GPRASP1: variants seen among roughly 807,000 people sequenced by gnomAD.
GPRASP1 encodes G protein-coupled receptor associated sorting protein 1.
Under a neutral mutation model 68.4 loss-of-function variants are expected in GPRASP1, and 28 were observed. The observed-to-expected ratio is 0.41, with a 90% CI of 0.30 to 0.56. The LOEUF (loss-of-function observed/expected upper bound fraction) is 0.56, where lower values mean the gene tolerates loss of function less well. GPRASP1 is among the 20% of genes least tolerant of loss of function. GPRASP1 has a pLI of 0.29. For missense variants in GPRASP1, 913 were observed against 1,031.5 expected, an observed-to-expected ratio of 0.89 and a Z score of 1.57; for synonymous variants, 304 against 358.2, an observed-to-expected ratio of 0.85 and a Z score of 1.71.
At position 102,658,218 on chromosome X, in the gene GPRASP1, T is replaced by A; in HGVS notation, c.*117T>A. 2.3e-6 allele frequency: 1 copy of A among 431,020 alleles called. No homozygotes were observed. The highest frequency in any genetic ancestry group is 4.1e-6 in the Non-Finnish European group (1 of 245,841). 35.5% of individuals were successfully genotyped at this position (431,020 alleles called of 1,213,427 possible). The stretch of plus-strand genomic sequence containing the variant: ...CAACATATATCTTTAGTGCTGACAC[T>A]AACTTTGTCCAACTCTGTCTGTAAG... On this transcript the variant is annotated 3_prime_UTR_variant, in exon 6 of 6. Transcript: ENST00000537097.
rs200152194 is a variant in GPRASP1 at position 102,655,663 on chromosome X, T to C, written c.1750T>C (p.Phe584Leu). The change falls in exon 6 of 6, where the codon TTT becomes CTT. Residue 584 changes from phenylalanine (F) to leucine (L), a missense_variant. Physicochemically the swap from Phe to Leu is conservative, Grantham distance 22. Transcript: ENST00000537097. ...AEEETIFGSW[F>L]WAENQTYMDC... The stretch of plus-strand genomic sequence containing the variant: ...AGAAGAGACAATATTCGGGTCCTGG[T>C]TTTGGGCTGAAAACCAGACCTATAT... 1.7e-4 allele frequency: 207 copies of C among 1,209,151 alleles called. No homozygotes were observed. The highest frequency in any genetic ancestry group is 1.5e-4 in the Admixed American group (7 of 45,696).
chrX:102,653,076 G>GA (rs1205775449), intron 4 of GPRASP1, 145 bp from the exon 5 acceptor site: 4 of 112,009 alleles, frequency 3.6e-5, no homozygotes, highest in Non-Finnish European at 7.5e-5. Context: ...TTGTGACTCA[G>GA]AAAGACCTGA....
In GPRASP1 at chrX:102,656,090, C is replaced by G; in HGVS notation, c.2177C>G (p.Ala726Gly). Residue 726 changes from alanine to glycine, a missense_variant, in exon 6 of 6, where the codon GCT becomes GGT. Coordinates refer to ENST00000537097, the MANE Select transcript of GPRASP1 (RefSeq NM_001184727.2). ...PEAIIGSWLW[A>G]TEESNIDGTG... ...GCCATTATAGGGTCCTGGTTATGGG[C>G]TACAGAAGAGAGTAATATAGATGGG... is the stretch of plus-strand genomic sequence containing the variant. 7 of 1,210,730 alleles carry G rather than the reference C, an allele frequency of 5.8e-6. No individual in the cohort carries two copies. Among genetic ancestry groups the G allele is most frequent in the Non-Finnish European group, 7.8e-6 (7 of 894,737 alleles).
In GPRASP1 at chrX:102,653,831, A is replaced by C. The variant is rs1361002125; in HGVS notation, c.-83A>C. The C allele has an allele frequency of 2.2e-5, 17 of 777,972 alleles. No individual in the cohort carries two copies. Among genetic ancestry groups the C allele is most frequent in the Non-Finnish European group, 2.8e-5 (15 of 528,414 alleles). The allele number at this position is 777,972 out of a possible 1,213,427, so 64.1% of individuals were successfully genotyped here. A position where few individuals can be genotyped will look rare whatever the true frequency, so the allele number is the denominator to read the frequency against. On this transcript the variant is annotated 5_prime_UTR_variant, in exon 6 of 6. Transcript: ENST00000537097. ...CAATCACCTAAAGATCAGAGTGTGAAGAAACAAACCTGTGACAGATCTGTG... is the reference window on the plus strand; with the variant it reads ...CAATCACCTAAAGATCAGAGTGTGACGAAACAAACCTGTGACAGATCTGTG...
chrX:102,654,087 TATGCCTGGAGC>T lies in GPRASP1; in HGVS notation c.176_186del (p.Met59LysfsTer5), dbSNP rs768902528. On this transcript the variant is annotated frameshift_variant, in exon 6 of 6. Coordinates refer to ENST00000537097, the MANE Select transcript of GPRASP1 (RefSeq NM_001184727.2). LOFTEE classifies it high-confidence loss of function. The stretch of plus-strand genomic sequence containing the variant: ...CAAGGCCCAAGAATAAGTCCAAGGT[TATGCCTGGAGC>T]AAGCACCAAAGTTGAGACAAGTGCA... 8.2e-7 allele frequency: 1 copy of T among 1,212,215 alleles called. No homozygotes were observed. The highest frequency in any genetic ancestry group is 1.1e-6 in the Non-Finnish European group (1 of 895,574).
rs2081407642 is a variant in GPRASP1, at chrX:102,656,065, G to A, written c.2152G>A (p.Ala718Thr). 1 of 1,208,354 alleles carries A rather than the reference G, an allele frequency of 8.3e-7. No individual in the cohort carries two copies. The highest frequency in any genetic ancestry group is 1.8e-5 in the African/African-American group (1 of 57,053). The part of the protein sequence containing the change: ...FWSRKYTKPE[A>T]IIGSWLWATE... ...GTCCAGAAAATACACAAAGCCAGAG[G>A]CCATTATAGGGTCCTGGTTATGGGC... Residue 718 changes from alanine to threonine, a missense_variant, in exon 6 of 6, where the codon GCC becomes ACC. Physicochemically the swap from Ala to Thr is moderately conservative, Grantham distance 58. Transcript: ENST00000537097.
At position 102,654,889 on chromosome X, in the gene GPRASP1, G is replaced by A; in HGVS notation, c.976G>A (p.Glu326Lys). ...KFRSKMRAGK[E>K]ANNRARHRAK... ...CAGGTCCAAAATGAGAGCTGGGAAG[G>A]AGGCCAATAACAGGGCCAGGCACAG... The change falls in exon 6 of 6, where the codon GAG (glutamate) becomes AAG (lysine). Residue 326 changes from glutamate (E) to lysine (K), a missense_variant. By Grantham distance (56) the Glu-to-Lys change is moderately conservative (BLOSUM62 1). Coordinates refer to ENST00000537097, the MANE Select transcript of GPRASP1 (RefSeq NM_001184727.2). The A allele has an allele frequency of 8.3e-7, 1 of 1,211,840 alleles. No homozygotes were observed. The highest frequency in any genetic ancestry group is 1.1e-6 in the Non-Finnish European group (1 of 895,207).
In GPRASP1 at chrX:102,656,729, C is replaced by A; in HGVS notation, c.2816C>A (p.Ser939Tyr). ...PEDDEEMIVESWFWSRDKAIK... is the reference protein window; with the variant it reads ...PEDDEEMIVEYWFWSRDKAIK... Reference sequence around the variant, plus strand: ...GATGATGAAGAGATGATTGTTGAGTCCTGGTTCTGGTCTAGAGACAAAGCC... The same window carrying A: ...GATGATGAAGAGATGATTGTTGAGTACTGGTTCTGGTCTAGAGACAAAGCC... Residue 939 changes from serine (S) to tyrosine (Y), a missense_variant, in exon 6 of 6, where the codon TCC becomes TAC. By Grantham distance (144) the Ser-to-Tyr change is moderately radical (BLOSUM62 -2). Coordinates refer to ENST00000537097, the MANE Select transcript of GPRASP1 (RefSeq NM_001184727.2). 8.3e-7 allele frequency: 1 copy of A among 1,211,149 alleles called. No individual in the cohort carries two copies. Among genetic ancestry groups the A allele is most frequent in the Non-Finnish European group, 1.1e-6 (1 of 895,146 alleles).
In GPRASP1 at chrX:102,655,215, A is replaced by T. The variant is rs2081397141; in HGVS notation, c.1302A>T (p.Ile434=). Residue 434 remains isoleucine (I), a synonymous_variant, in exon 6 of 6, where the codon ATA becomes ATT. Coordinates refer to ENST00000537097, the MANE Select transcript of GPRASP1 (RefSeq NM_001184727.2). The stretch of plus-strand genomic sequence containing the variant: ...GTCTACAAGTGGAGGATGAGTCCAT[A>T]ATTGGGAGTTGGTTCTGGACTGAAG... ...ESSLQVEDES[I]IGSWFWTEEE... 3 of 1,211,142 alleles carry T rather than the reference A, an allele frequency of 2.5e-6. No individual in the cohort carries two copies. The highest frequency in any genetic ancestry group is 3.4e-6 in the Non-Finnish European group (3 of 895,069).
chrX:102,654,443 G>C lies in GPRASP1; in HGVS notation c.530G>C (p.Cys177Ser). ...GAGACCAATATGGGGTCCTGGTGCT[G>C]TCCTAGGCCTACATCCAAACAAGAA... ...KEETNMGSWCCPRPTSKQEAS... is the reference protein window; with the variant it reads ...KEETNMGSWCSPRPTSKQEAS... The change falls in exon 6 of 6, where the codon TGT (cysteine) becomes TCT (serine). Residue 177 changes from cysteine (C) to serine (S), a missense_variant. Transcript: ENST00000537097. 8.3e-7 allele frequency: 1 copy of C among 1,211,781 alleles called. No individual in the cohort carries two copies. The highest frequency in any genetic ancestry group is 1.1e-6 in the Non-Finnish European group (1 of 895,430).
chrX:102,655,053 G>A lies in GPRASP1; in HGVS notation c.1140G>A (p.Met380Ile), dbSNP rs774624883. ...MIKKEARARA[M>I]TKEEAKTKAR... ...AGAAAGAGGCCAGGGCCAGAGCAAT[G>A]ACAAAGGAAGAGGCCAAAACCAAGG... is the stretch of plus-strand genomic sequence containing the variant. The change falls in exon 6 of 6, where the codon ATG becomes ATA. Residue 380 changes from methionine (M) to isoleucine (I), a missense_variant. Coordinates refer to ENST00000537097, the MANE Select transcript of GPRASP1 (RefSeq NM_001184727.2). The A allele has an allele frequency of 1.4e-5, 17 of 1,210,444 alleles. No homozygotes were observed. Among genetic ancestry groups the A allele is most frequent in the Non-Finnish European group, 1.9e-5 (17 of 895,210 alleles).
chrX:102,657,035 G>A lies in GPRASP1; in HGVS notation c.3122G>A (p.Arg1041Lys). ...SVEQEPDPSRRPQSWEEVTVQ... is the reference protein window; with the variant it reads ...SVEQEPDPSRKPQSWEEVTVQ... ...GAACAGGAGCCTGATCCTTCACGCAGGCCTCAGAGTTGGGAGGAGGTCACT... is the reference window on the plus strand; with the variant it reads ...GAACAGGAGCCTGATCCTTCACGCAAGCCTCAGAGTTGGGAGGAGGTCACT... Residue 1041 changes from arginine (R) to lysine (K), a missense_variant, in exon 6 of 6, where the codon AGG (arginine) becomes AAG (lysine). By Grantham distance (26) the Arg-to-Lys change is conservative. Coordinates refer to ENST00000537097, the MANE Select transcript of GPRASP1 (RefSeq NM_001184727.2). 8.3e-7 allele frequency: 1 copy of A among 1,211,074 alleles called. No homozygotes were observed. The highest frequency in any genetic ancestry group is 2.3e-4 in the Middle Eastern group (1 of 4,351).
In GPRASP1 at chrX:102,654,423, C is replaced by A. The variant is rs756235038; in HGVS notation, c.510C>A (p.Thr170=). ...CTTCTTTTAGGTCAAAGGAGGAGAC[C>A]AATATGGGGTCCTGGTGCTGTCCTA... ...FQPSFRSKEE[T]NMGSWCCPRP... The change falls in exon 6 of 6, where the codon ACC becomes ACA. Residue 170 remains threonine, a synonymous_variant. Transcript: ENST00000537097. 8.3e-7 allele frequency: 1 copy of A among 1,209,741 alleles called. No homozygotes were observed. The highest frequency in any genetic ancestry group is 2.2e-5 in the Admixed American group (1 of 45,822).
intron 2 of GPRASP1, among the ~76,000 whole-genome samples, 156 bp from the exon 3 acceptor site, chrX:102,652,019 G>A (rs766839053): frequency 1.8e-5 from 2 of 112,564 alleles, no homozygotes; most frequent in South Asian, 7.3e-4. Flanking sequence ...GGCCCTCGTG[G>A]GCCAGCGTCC....
Position 102,656,990 on chromosome X carries a change from G to T in GPRASP1, c.3077G>T (p.Cys1026Phe). Residue 1026 changes from cysteine to phenylalanine, a missense_variant, in exon 6 of 6, where the codon TGC becomes TTC. Cys to Phe is a radical substitution (Grantham distance 205). Coordinates refer to ENST00000537097, the MANE Select transcript of GPRASP1 (RefSeq NM_001184727.2). ...SNPSPVFRAICRSTCSVEQEP... is the reference protein window; with the variant it reads ...SNPSPVFRAIFRSTCSVEQEP... ...CCTAGCCCCGTGTTCAGGGCCATTT[G>T]CAGGTCCACGTGTTCAGTTGAACAG... 1 of 1,211,079 alleles carries T rather than the reference G, an allele frequency of 8.3e-7. No homozygotes were observed. The highest frequency in any genetic ancestry group is 1.1e-6 in the Non-Finnish European group (1 of 894,847).
At position 102,657,876 on chromosome X, in the gene GPRASP1, AT is replaced by A. The variant is rs780251419; in HGVS notation, c.3966del (p.Phe1322LeufsTer2). 5.9e-6 allele frequency: 7 copies of A among 1,183,035 alleles called. No homozygotes were observed. The highest frequency in any genetic ancestry group is 2.3e-4 in the Middle Eastern group (1 of 4,287). On this transcript the variant is annotated frameshift_variant, in exon 6 of 6. Transcript: ENST00000537097. LOFTEE classifies it high-confidence loss of function. Reference protein sequence around the residue: ...ELLSAEAVSEFIGLFNREETN... With the variant: ...ELLSAEAVSEXIGLFNREETN... ...TACTCAGTGCTGAAGCAGTGTCAGA[AT>A]TTATAGGCCTCTTTAACAGGGAAGA...
rs924874942 is a variant in GPRASP1 at position 102,651,576 on chromosome X, T to A, written c.-638T>A. 1.8e-5 allele frequency: 2 copies of A among 109,229 alleles called. No homozygotes were observed. Among genetic ancestry groups the A allele is most frequent in the African/African-American group, 3.3e-5 (1 of 29,967 alleles). 9.0% of individuals were successfully genotyped at this position (109,229 alleles called of 1,213,427 possible). ...AGAGAGGAGGGGGAGGCCGATGACC[T>A]GGGCTCTGGGCCTCTGAAGGCAAGT... On this transcript the variant is annotated 5_prime_UTR_variant, in exon 1 of 6. Transcript: ENST00000537097.
rs762701082 is a variant in GPRASP1 at position 102,654,844 on chromosome X, G to A, written c.931G>A (p.Ala311Thr). The change falls in exon 6 of 6, where the codon GCT becomes ACT. Residue 311 changes from alanine to threonine, a missense_variant. Transcript: ENST00000537097. ...HEDHLESWFG[A>T]GKEAKFRSKM... ...AGACCATTTGGAGTCCTGGTTTGGG[G>A]CTGGAAAGGAGGCCAAATTCAGGTC... is the stretch of plus-strand genomic sequence containing the variant. The A allele has an allele frequency of 2.5e-6, 3 of 1,211,309 alleles. No homozygotes were observed. The South Asian group carries it at 5.3e-5, about 21-fold the overall frequency.
rs1222623946 is a variant in GPRASP1 at position 102,654,422 on chromosome X, C to T, written c.509C>T (p.Thr170Ile). 8.3e-7 allele frequency: 1 copy of T among 1,211,543 alleles called. No individual in the cohort carries two copies. Among genetic ancestry groups the T allele is most frequent in the South Asian group, 1.8e-5 (1 of 56,972 alleles). Residue 170 changes from threonine to isoleucine, a missense_variant, in exon 6 of 6, where the codon ACC becomes ATC. Physicochemically the swap from Thr to Ile is moderately conservative, Grantham distance 89. Transcript: ENST00000537097. The part of the protein sequence containing the change: ...FQPSFRSKEE[T>I]NMGSWCCPRP... ...CCTTCTTTTAGGTCAAAGGAGGAGA[C>T]CAATATGGGGTCCTGGTGCTGTCCT...
Sources: allele counts gnomAD v4.1 joint callset (sites outside exome capture counted in the v4.1 genomes callset), GRCh38; gene constraint gnomAD v4.1.1; transcripts MANE v1.5; gene names NCBI Gene and HGNC (gene_info 2026-07-23, HGNC 2026-07-21).